Variants in SETD3 observed in about 807,000 individuals in gnomAD.
The protein encoded by SETD3 is SET domain containing 3, actin N3(tau)-histidine methyltransferase.
A neutral mutation model predicts 63.0 loss-of-function variants in SETD3; 19 were observed. That is an observed-to-expected ratio of 0.30 (90% CI 0.21 to 0.44). SETD3 has a LOEUF of 0.44. Ranked by LOEUF, SETD3 falls within the 20% of genes least tolerant of loss-of-function variation. The pLI, the probability that SETD3 is intolerant of heterozygous loss-of-function variation, is 1.00. For synonymous variants in SETD3, 286 were observed against 264.1 expected, an observed-to-expected ratio of 1.08 and a Z score of -0.80; for missense variants, 587 against 728.5, an observed-to-expected ratio of 0.81 and a Z score of 2.24.
intron 1 of SETD3, among the ~76,000 whole-genome samples, chr14:99,480,199 G>A (rs953600232): frequency 6.6e-6 from 1 of 152,158 alleles, no homozygotes; most frequent in African/African-American, 2.4e-5. Context: ...AGAACTCGCA[G>A]AGAGGAACAT....
intron 1 of SETD3, among the ~76,000 whole-genome samples, chr14:99,474,795 A>T (rs1281820126): frequency 6.6e-6 from 1 of 152,166 alleles, no homozygotes; most frequent in Non-Finnish European, 1.5e-5. Context: ...GTGCCACTGC[A>T]CTCCAGCCTG....
intron 6 of SETD3, among the ~76,000 whole-genome samples, chr14:99,418,734 A>G (rs1410267919): frequency 6.6e-6 from 1 of 152,196 alleles, no homozygotes; most frequent in East Asian, 1.9e-4. Flanking sequence ...TACTGCACCA[A>G]TCAGAGAGAG....
intron 6 of SETD3, among the ~76,000 whole-genome samples, chr14:99,436,125 T>C (rs1215228698): frequency 6.6e-6 from 1 of 151,910 alleles, no homozygotes; most frequent in Non-Finnish European, 1.5e-5. Flanking sequence ...AAGAACAACA[T>C]GGGGGAAACC....
At chr14:99,428,714 G>A (rs1394941516) in intron 6 of SETD3, among the ~76,000 whole-genome samples, 1 of 152,144 alleles carries the variant, frequency 6.6e-6, no homozygotes, top group Non-Finnish European at 1.5e-5. Context: ...GGTAGGTGAA[G>A]TTTGAGAATC....
At chr14:99,460,355 G>C (rs1425834790) in intron 4 of SETD3, among the ~76,000 whole-genome samples, 1 of 152,068 alleles carries the variant, frequency 6.6e-6, no homozygotes, top group African/African-American at 2.4e-5. Context: ...GAGAGAGATA[G>C]AATACAACAG....
At chr14:99,421,014 G>A (rs1488412267) in intron 6 of SETD3, among the ~76,000 whole-genome samples, 3 of 106,216 alleles carry the variant, frequency 2.8e-5, no homozygotes, top group Non-Finnish European at 5.5e-5. Flanking sequence ...CTTCTTTAAA[G>A]ACAGTAAATC....
At chr14:99,422,856 C>T (rs544329227) in intron 6 of SETD3, among the ~76,000 whole-genome samples, 12 of 152,180 alleles carry the variant, frequency 7.9e-5, no homozygotes, top group Non-Finnish European at 1.5e-4. Flanking sequence ...AAACCCTTCC[C>T]CCATCAAAGG....
At chr14:99,461,375 CT>C in intron 3 of SETD3, 35 bp from the exon 4 acceptor site, 1 of 1,597,442 alleles carries the variant, frequency 6.3e-7, no homozygotes, top group Non-Finnish European at 8.5e-7. Context: ...ACAAGAGCTA[CT>C]TTTAGGACAC....
chr14:99,453,789 G>A (rs1453384003), intron 6 of SETD3, among the ~76,000 whole-genome samples: 2 of 151,420 alleles, frequency 1.3e-5, no homozygotes, highest in South Asian at 2.1e-4. Context: ...TCATGCCACC[G>A]CACTCCACCC....
At chr14:99,419,130 T>G (rs149006672) in intron 6 of SETD3, among the ~76,000 whole-genome samples, 1 of 152,238 alleles carries the variant, frequency 6.6e-6, no homozygotes, top group African/African-American at 2.4e-5. Flanking sequence ...TTAAGACTTT[T>G]ATTTTTAAGC....
chr14:99,482,611 A>G (rs1457741216), upstream of SETD3, among the ~76,000 whole-genome samples: 1 of 151,912 alleles, frequency 6.6e-6, no homozygotes, highest in Non-Finnish European at 1.5e-5. Flanking sequence ...CTTTTATCTC[A>G]TTTCGATTAT....
At chr14:99,401,466 A>C (rs1891384347) in intron 11 of SETD3, among the ~76,000 whole-genome samples, 1 of 152,336 alleles carries the variant, frequency 6.6e-6, no homozygotes, top group South Asian at 2.1e-4. Context: ...GGCTGCCAGC[A>C]AACCAAACTT....
intron 6 of SETD3, among the ~76,000 whole-genome samples, chr14:99,425,545 G>A (rs555476448): frequency 6.6e-6 from 1 of 152,366 alleles, no homozygotes; most frequent in African/African-American, 2.4e-5. Context: ...CAGTCAGTAG[G>A]CGTCAGCTGT....
chr14:99,449,943 C>A (rs1271850540), intron 6 of SETD3, among the ~76,000 whole-genome samples: 1 of 152,206 alleles, frequency 6.6e-6, no homozygotes, highest in Admixed American at 6.5e-5. Context: ...TAGTCCCTAT[C>A]CCTGGTGTGA....
At chr14:99,481,565 C>A, upstream of SETD3, 1 of 398,146 alleles carries the variant, frequency 2.5e-6, no homozygotes, top group Non-Finnish European at 4.4e-6. Flanking sequence ...CGCCGCTATC[C>A]ACTGGCGGAG....
upstream of SETD3, among the ~76,000 whole-genome samples, chr14:99,485,842 ACT>A (rs531840556): frequency 4.0e-3 from 614 of 151,906 alleles, 1 homozygote; most frequent in African/African-American, 0.014. Context: ...ACAGAGGGAG[ACT>A]CTGTCTCAAA....
chr14:99,405,589 TGGAGAGGAGAGG>T (rs1031833243), intron 9 of SETD3, among the ~76,000 whole-genome samples: 4 of 152,086 alleles, frequency 2.6e-5, no homozygotes, highest in African/African-American at 9.7e-5. Flanking sequence ...CACCACCGTG[TGGAGAGGAGAGG>T]GGAGGCCAGG....
At chr14:99,421,694 T>G (rs1892606358) in intron 6 of SETD3, among the ~76,000 whole-genome samples, 1 of 152,114 alleles carries the variant, frequency 6.6e-6, no homozygotes, top group African/African-American at 2.4e-5. Context: ...TGCATATAAT[T>G]TAATCATCTC....
chr14:99,481,955 C>T (rs772832999), upstream of SETD3, among the ~76,000 whole-genome samples: 6 of 152,204 alleles, frequency 3.9e-5, no homozygotes, highest in Non-Finnish European at 7.3e-5. Flanking sequence ...GAGGGTGCGG[C>T]TAAGATGAGG....
Sources: allele counts gnomAD v4.1 joint callset (sites outside exome capture counted in the v4.1 genomes callset), GRCh38; gene constraint gnomAD v4.1.1; transcripts MANE v1.5; gene names NCBI Gene and HGNC (gene_info 2026-07-23, HGNC 2026-07-21).